Variants in CCDC12 observed in about 807,000 individuals in gnomAD.
CCDC12 encodes the protein coiled-coil domain containing 12.
In CCDC12, 28 loss-of-function variants were observed where a neutral mutation model predicts 25.7. That is an observed-to-expected ratio of 1.09 (90% CI 0.81 to 1.50). CCDC12 has a LOEUF of 1.50. Ranked by LOEUF, CCDC12 falls within the 40% of genes most tolerant of loss-of-function variation. The pLI, the probability that CCDC12 is intolerant of heterozygous loss-of-function variation, is 0.00. For synonymous variants in CCDC12, 75 were observed against 87.7 expected, an observed-to-expected ratio of 0.86 and a Z score of 0.81; for missense variants, 198 against 210.0, an observed-to-expected ratio of 0.94 and a Z score of 0.35.
At chr3:46,943,054 G>A (rs1420979949) in intron 1 of CCDC12, among the ~76,000 whole-genome samples, 1 of 152,200 alleles carries the variant, frequency 6.6e-6, no homozygotes, top group Non-Finnish European at 1.5e-5. Flanking sequence ...TTAAGCAATG[G>A]AGAAACCGAG....
At chr3:46,942,121 A>C (rs1003825241) in intron 1 of CCDC12, among the ~76,000 whole-genome samples, 1 of 152,208 alleles carries the variant, frequency 6.6e-6, no homozygotes, top group Non-Finnish European at 1.5e-5. Flanking sequence ...AAACTGCCAT[A>C]CTGCTTCCAC....
chr3:46,936,310 CA>C (rs2033439420), intron 2 of CCDC12, among the ~76,000 whole-genome samples: 1 of 152,222 alleles, frequency 6.6e-6, no homozygotes, highest in South Asian at 2.1e-4. Context: ...ACATTTCCCC[CA>C]ACTGTTGCCT....
chr3:46,976,545 TCTTTC>T, intron 1 of CCDC12, 87 bp downstream of exon 1: 1 of 1,491,720 alleles, frequency 6.7e-7, no homozygotes, highest in South Asian at 1.3e-5. Flanking sequence ...TCGGCAGCTG[TCTTTC>T]CTTATTAGCC....
chr3:46,951,546 C>T (rs200705595), intron 1 of CCDC12, among the ~76,000 whole-genome samples: 2 of 150,628 alleles, frequency 1.3e-5, no homozygotes, highest in Non-Finnish European at 3.0e-5. Flanking sequence ...TTTGGGAAGC[C>T]GAGGCGGGTG....
intron 1 of CCDC12, among the ~76,000 whole-genome samples, chr3:46,954,491 T>C (rs957554235): frequency 6.6e-6 from 1 of 152,224 alleles, no homozygotes; most frequent in African/African-American, 2.4e-5. Flanking sequence ...AACAGTTTCC[T>C]TGATAGCTGC....
At chr3:46,968,913 G>A (rs2034718288) in intron 1 of CCDC12, among the ~76,000 whole-genome samples, 1 of 152,190 alleles carries the variant, frequency 6.6e-6, no homozygotes, top group African/African-American at 2.4e-5. Context: ...CTGCTTCAAA[G>A]TCCTGCTTCA....
At chr3:46,974,321 A>C (rs2034900162) in intron 1 of CCDC12, among the ~76,000 whole-genome samples, 1 of 152,252 alleles carries the variant, frequency 6.6e-6, no homozygotes. Context: ...ATTTTAAAAC[A>C]TAGAAAAAAT....
intron 1 of CCDC12, among the ~76,000 whole-genome samples, chr3:46,963,121 G>C (rs1404385242): frequency 6.6e-6 from 1 of 152,230 alleles, no homozygotes; most frequent in Non-Finnish European, 1.5e-5. Flanking sequence ...TCAAAAGGAA[G>C]GAAGGCAACT....
chr3:46,956,956 G>A (rs534347859), intron 1 of CCDC12, among the ~76,000 whole-genome samples: 1 of 152,204 alleles, frequency 6.6e-6, no homozygotes, highest in Admixed American at 6.5e-5. Context: ...AAGTAGACTG[G>A]TGTGTCCAAT....
intron 1 of CCDC12, 61 bp downstream of exon 1, chr3:46,976,576 G>A: frequency 6.4e-7 from 1 of 1,563,816 alleles, no homozygotes; most frequent in Non-Finnish European, 8.7e-7. Flanking sequence ...CTCTCCTCAA[G>A]CGCGACCCGG....
chr3:46,951,924 A>C (rs1191889861), intron 1 of CCDC12, among the ~76,000 whole-genome samples: 1 of 148,178 alleles, frequency 6.7e-6, no homozygotes, highest in East Asian at 2.0e-4. Flanking sequence ...CCATCTGTGA[A>C]GTTTCCCCAC....
At chr3:46,923,225 C>T in intron 5 of CCDC12, 104 bp downstream of exon 5, 2 of 1,165,768 alleles carry the variant, frequency 1.7e-6, no homozygotes, top group Non-Finnish European at 2.3e-6. Flanking sequence ...GTCTGTACTG[C>T]CAGTCTCTGC....
At chr3:46,923,488 C>T in intron 4 of CCDC12, 119 bp downstream of exon 4, 1 of 1,461,450 alleles carries the variant, frequency 6.8e-7, no homozygotes, top group Admixed American at 1.9e-5. Context: ...AGCAAAGGGG[C>T]TGGTGGGAAG....
intron 1 of CCDC12, among the ~76,000 whole-genome samples, chr3:46,957,879 G>T (rs2034341833): frequency 6.6e-6 from 1 of 151,808 alleles, no homozygotes; most frequent in Non-Finnish European, 1.5e-5. Context: ...GGTGGAGGAG[G>T]TTGCAGTGAG....
intron 1 of CCDC12, among the ~76,000 whole-genome samples, chr3:46,968,336 T>C (rs2034699307): frequency 1.3e-5 from 1 of 79,676 alleles, no homozygotes; most frequent in Non-Finnish European, 2.7e-5. Flanking sequence ...GAGAAGGACC[T>C]CTTTGCTTCC....
intron 1 of CCDC12, among the ~76,000 whole-genome samples, chr3:46,957,779 T>TA (rs1311324711): frequency 6.6e-6 from 1 of 151,744 alleles, no homozygotes; most frequent in African/African-American, 2.4e-5. Flanking sequence ...CTGTCTCTAC[T>TA]AAAAATACAA....
chr3:46,944,659 G>C (rs925082328), intron 1 of CCDC12, among the ~76,000 whole-genome samples: 1 of 151,624 alleles, frequency 6.6e-6, no homozygotes, highest in Non-Finnish European at 1.5e-5. Context: ...CAAGCCCCCA[G>C]CCATTCCCCT....
chr3:46,954,597 G>C (rs1270698845), intron 1 of CCDC12, among the ~76,000 whole-genome samples: 1 of 152,088 alleles, frequency 6.6e-6, no homozygotes, highest in Non-Finnish European at 1.5e-5. Flanking sequence ...AAATGGGGTG[G>C]GTCAAGGGAA....
exon 1 of CCDC12, chr3:46,981,934 C>T (rs1476664215): frequency 2.0e-5 from 3 of 152,316 alleles, no homozygotes; most frequent in Admixed American, 1.3e-4. Flanking sequence ...CTCCTCACCT[C>T]GCAGGGCAGG....
Sources: gnomAD v4.1 joint callset for allele counts (sites outside exome capture counted in the v4.1 genomes callset) on GRCh38, gnomAD v4.1.1 for gene constraint, MANE v1.5 for transcripts, NCBI Gene and HGNC (gene_info 2026-07-23, HGNC 2026-07-21) for gene names.